SELENOO: variants seen among roughly 807,000 people sequenced by gnomAD.
SELENOO encodes the protein protein adenylyltransferase SelO, mitochondrial.
SELENOO carries 74 observed loss-of-function variants against 58.7 expected under a neutral mutation model. That is an observed-to-expected ratio of 1.26 (90% CI 1.04 to 1.53). SELENOO has a LOEUF of 1.53. Among genes scored for constraint, SELENOO ranks in the 40% most tolerant of loss-of-function variants. The pLI is 0.00. For synonymous variants in SELENOO, 543 were observed against 453.2 expected, an observed-to-expected ratio of 1.20 and a Z score of -2.52; for missense variants, 1,149 against 970.0, an observed-to-expected ratio of 1.18 and a Z score of -2.45.
Position 50,201,082 on chromosome 22 carries a change from C to G in SELENOO, c.46C>G (p.Arg16Gly). The change falls in exon 1 of 9, where the codon CGA becomes GGA. Residue 16 changes from arginine (R) to glycine (G), a missense_variant. Transcript: ENST00000380903. ...AALGASLAAARLLPLGRCSPS... is the reference protein window; with the variant it reads ...AALGASLAAAGLLPLGRCSPS... The stretch of plus-strand genomic sequence containing the variant: ...GCTCGGGGCTTCGCTCGCGGCTGCC[C>G]GACTCTTGCCCCTCGGTCGCTGTTC... 1 of 1,366,518 alleles carries G rather than the reference C, an allele frequency of 7.3e-7. No individual in the cohort carries two copies. Among genetic ancestry groups the G allele is most frequent in the African/African-American group, 1.5e-5 (1 of 65,540 alleles). 84.6% of individuals were successfully genotyped at this position (1,366,518 alleles called of 1,614,324 possible).
chr22:50,210,441 A>G, intron 4 of SELENOO, 130 bp downstream of exon 4: 2 of 1,360,488 alleles, frequency 1.5e-6, no homozygotes, highest in South Asian at 1.3e-5. Flanking sequence ...GGGCTGATGT[A>G]GGAAGTAGAG....
At position 50,201,207 on chromosome 22, in the gene SELENOO, C is replaced by G. The variant is rs6010201; in HGVS notation, c.171C>G (p.Ala57=). ...GCTTCGACAACCGCGCCCTGCGCGCCCTGCCCGTGGAGGCGCCGCCGCCCG... is the reference window on the plus strand; with the variant it reads ...GCTTCGACAACCGCGCCCTGCGCGCGCTGCCCGTGGAGGCGCCGCCGCCCG... ...GLRFDNRALR[A]LPVEAPPPGP... is the part of the protein sequence containing the mutation. Residue 57 remains alanine, a synonymous_variant, in exon 1 of 9, where the codon GCC becomes GCG. Coordinates refer to ENST00000380903, the MANE Select transcript of SELENOO (RefSeq NM_031454.2). The G allele has an allele frequency of 0.55, 646,564 of 1,184,286 alleles. 178,120 individuals carry two copies. Among genetic ancestry groups the G allele is most frequent in the African/African-American group, 0.7 (43,034 of 61,900 alleles). 73.4% of individuals were successfully genotyped at this position (1,184,286 alleles called of 1,614,324 possible). A position where few individuals can be genotyped will look rare whatever the true frequency, so the allele number is the denominator to read the frequency against.
At chr22:50,211,279 T>C (rs549548390) in intron 5 of SELENOO, among the ~76,000 whole-genome samples, 2 of 152,210 alleles carry the variant, frequency 1.3e-5, no homozygotes, top group African/African-American at 2.4e-5. Context: ...GGCTGTTGCG[T>C]ACGGTGCACT....
At chr22:50,214,851 C>T (rs921296810) in intron 5 of SELENOO, among the ~76,000 whole-genome samples, 2 of 152,244 alleles carry the variant, frequency 1.3e-5, no homozygotes, top group African/African-American at 2.4e-5. Context: ...TTCATCCTTT[C>T]ACTTCCAGCC....
chr22:50,204,848 C>T (rs2064323086), intron 1 of SELENOO, among the ~76,000 whole-genome samples: 3 of 152,238 alleles, frequency 2.0e-5, no homozygotes, highest in Non-Finnish European at 2.9e-5. Flanking sequence ...AAAGGCAGAA[C>T]AAGTGTCTAT....
At chr22:50,206,217 C>G in intron 1 of SELENOO, 100 bp from the exon 2 acceptor site, 1 of 1,031,258 alleles carries the variant, frequency 9.7e-7, no homozygotes, top group Non-Finnish European at 1.5e-6. Context: ...GCAAGCTGCT[C>G]ACGTTACACG....
At chr22:50,209,929 C>G (rs1047550722) in intron 3 of SELENOO, among the ~76,000 whole-genome samples, 1 of 152,226 alleles carries the variant, frequency 6.6e-6, no homozygotes, top group Non-Finnish European at 1.5e-5. Flanking sequence ...CTGGGGTTCC[C>G]TGATTTTTCT....
intron 5 of SELENOO, among the ~76,000 whole-genome samples, chr22:50,212,325 A>G (rs1340556238): frequency 6.6e-6 from 1 of 152,150 alleles, no homozygotes; most frequent in East Asian, 1.9e-4. Flanking sequence ...CCTTACCTCA[A>G]TTTAGATTTT....
chr22:50,215,640 G>GT (rs2064401284), intron 5 of SELENOO, 77 bp from the exon 6 acceptor site: 2 of 832,914 alleles, frequency 2.4e-6, no homozygotes, highest in Non-Finnish European at 3.2e-6. Flanking sequence ...GGGGGTGGGG[G>GT]GGGGGGGGTC....
In SELENOO at chr22:50,216,756, G is replaced by A. The variant is rs377107145; in HGVS notation, c.1568G>A (p.Arg523Gln). ...CAGCTGTTCGCGCTTATGGGCACCCGGGCAGGCATCGCCAGGGAGCTGGAG... is the reference window on the plus strand; with the variant it reads ...CAGCTGTTCGCGCTTATGGGCACCCAGGCAGGCATCGCCAGGGAGCTGGAG... The part of the protein sequence containing the change: ...NPQLFALMGT[R>Q]AGIARELERV... The change falls in exon 7 of 9, where the codon CGG becomes CAG. Residue 523 changes from arginine (R) to glutamine (Q), a missense_variant. Arg to Gln is a conservative substitution (Grantham distance 43, BLOSUM62 1). Transcript: ENST00000380903. 83 of 1,607,790 alleles carry A rather than the reference G, an allele frequency of 5.2e-5. No homozygotes were observed. The highest frequency in any genetic ancestry group is 3.4e-4 in the South Asian group (31 of 90,824).
rs536146930 is a variant in SELENOO at position 50,206,516 on chromosome 22, A to C, written c.754A>C (p.Ile252Leu). 6.2e-7 allele frequency: 1 copy of C among 1,613,146 alleles called. No homozygotes were observed. The highest frequency in any genetic ancestry group is 8.5e-7 in the Non-Finnish European group (1 of 1,179,462). ...TVVLRVASTF[I>L]RFGSFEIFKS... ...TGTGTTGCGTGTAGCTTCCACTTTC[A>C]TAAGGTAATGCCGGGGGCCTTTCGG... Residue 252 changes from isoleucine to leucine, a missense_variant, in exon 2 of 9, where the codon ATA becomes CTA. Transcript: ENST00000380903.
At chr22:50,209,045 G>A (rs549035106) in intron 3 of SELENOO, among the ~76,000 whole-genome samples, 57 of 152,334 alleles carry the variant, frequency 3.7e-4, no homozygotes, top group Non-Finnish European at 6.9e-4. Flanking sequence ...GGGTCGATAC[G>A]TCTTGATGCC....
In SELENOO at chr22:50,216,881, G is replaced by GCCCTGCGTC. The variant is rs35789421; in HGVS notation, c.1688+7_1688+15dup. The stretch of plus-strand genomic sequence containing the variant: ...TGACTGGCTACAGGCGTACAGGTGA[G>GCCCTGCGTC]CCCTGCGTCCATGGTCACCGGGGGA... On this transcript the variant is annotated splice_donor_region_variant and intron_variant, in intron 7 of 8. Transcript: ENST00000380903. 3 of 1,606,018 alleles carry GCCCTGCGTC rather than the reference G, an allele frequency of 1.9e-6. No homozygotes were observed. In the Admixed American group the frequency reaches 5.0e-5, roughly 27 times the overall value.
At position 50,206,317 on chromosome 22, in the gene SELENOO, A is replaced by G; in HGVS notation, c.555A>G (p.Arg185=). Residue 185 remains arginine, a splice_region_variant and synonymous_variant, in exon 2 of 9, where the codon AGA becomes AGG. Transcript: ENST00000380903. The part of the protein sequence containing the change: ...LKGAGPTPFS[R]QADGRKVLRS... Reference sequence around the variant, plus strand: ...TAGTGAACTCTGTGTTTGGTTTCAGACAGGCCGACGGTCGCAAGGTCCTAC... The same window carrying G: ...TAGTGAACTCTGTGTTTGGTTTCAGGCAGGCCGACGGTCGCAAGGTCCTAC... 2 of 1,613,234 alleles carry G rather than the reference A, an allele frequency of 1.2e-6. No homozygotes were observed. The highest frequency in any genetic ancestry group is 1.7e-6 in the Non-Finnish European group (2 of 1,179,854).
At position 50,210,502 on chromosome 22, in the gene SELENOO, CCT is replaced by C. The variant is rs2064361785; in HGVS notation, c.1071-128_1071-127del. ...GGCCAGGGGCTGGTGAGACAGGACC[CCT>C]GTGGGACAGGGCCAGAGAGCCACGG... On this transcript the variant is annotated intron_variant, in intron 4 of 8. Coordinates refer to ENST00000380903, the MANE Select transcript of SELENOO (RefSeq NM_031454.2). 2.8e-6 allele frequency: 4 copies of C among 1,433,822 alleles called. No homozygotes were observed. In the Admixed American group the frequency reaches 7.6e-5, roughly 27 times the overall value. The allele number at this position is 1,433,822 out of a possible 1,614,324, so 88.8% of individuals were successfully genotyped here.
chr22:50,212,698 C>T (rs1242329579), intron 5 of SELENOO, among the ~76,000 whole-genome samples: 1 of 152,258 alleles, frequency 6.6e-6, no homozygotes, highest in Non-Finnish European at 1.5e-5. Context: ...AGTGGAGTTA[C>T]ACAGCGTGTG....
At chr22:50,205,412 T>C (rs1184322372) in intron 1 of SELENOO, among the ~76,000 whole-genome samples, 1 of 152,278 alleles carries the variant, frequency 6.6e-6, no homozygotes, top group South Asian at 2.1e-4. Flanking sequence ...ATAAACCCCG[T>C]CTTTACAAAA....
intron 5 of SELENOO, among the ~76,000 whole-genome samples, chr22:50,212,478 T>C (rs565000852): frequency 1.4e-3 from 216 of 152,322 alleles, no homozygotes; most frequent in South Asian, 2.5e-3. Context: ...GAACACAACA[T>C]GGATCTATCC....
chr22:50,212,571 C>T (rs542906484), intron 5 of SELENOO, among the ~76,000 whole-genome samples: 3 of 152,284 alleles, frequency 2.0e-5, no homozygotes, highest in East Asian at 3.9e-4. Flanking sequence ...TGTTCACATC[C>T]GCCACCCAAA....
Sources: allele counts gnomAD v4.1 joint callset (sites outside exome capture counted in the v4.1 genomes callset), GRCh38; gene constraint gnomAD v4.1.1; transcripts MANE v1.5; gene names NCBI Gene and HGNC (gene_info 2026-07-23, HGNC 2026-07-21).